Variants in NAV1 observed in about 807,000 individuals in gnomAD.
NAV1 encodes the protein pore membrane and/or filament interacting like protein 3.
In NAV1, 18 loss-of-function variants were observed where a neutral mutation model predicts 175.2. That is an observed-to-expected ratio of 0.10 (90% confidence interval 0.07 to 0.15). The LOEUF is 0.15. Ranked by LOEUF, NAV1 falls within the 10% of genes least tolerant of loss-of-function variation. The pLI, the probability that NAV1 is intolerant of heterozygous loss-of-function variation, is 1.00. For synonymous variants in NAV1, 897 were observed against 978.7 expected (o/e 0.92, Z 1.56); for missense variants, 1,731 against 2,436.6 (o/e 0.71, Z 6.10).
At chr1:201,650,569 G>A (rs1337206819) in intron 1 of NAV1, among the ~76,000 whole-genome samples, 3 of 152,374 alleles carry the variant, frequency 2.0e-5, no homozygotes, top group Non-Finnish European at 4.4e-5. Flanking sequence ...CGTGTGAAAG[G>A]GCGGGGCCGA....
At chr1:201,672,505 T>G (rs915467850) in intron 1 of NAV1, among the ~76,000 whole-genome samples, 2 of 152,234 alleles carry the variant, frequency 1.3e-5, no homozygotes, top group African/African-American at 4.8e-5. Flanking sequence ...GGGTGCTTTA[T>G]GTATAATAGT....
At chr1:201,790,456 TCA>T in intron 11 of NAV1, 96 bp from the exon 16 acceptor site, 1 of 1,393,932 alleles carries the variant, frequency 7.2e-7, no homozygotes, top group Non-Finnish European at 1.0e-6. Context: ...TCATGCTTCT[TCA>T]CATTTCCTAC....
At chr1:201,643,493 C>G (rs1420733169), upstream of NAV1, among the ~76,000 whole-genome samples, 2 of 151,210 alleles carry the variant, frequency 1.3e-5, no homozygotes, top group East Asian at 3.9e-4. Flanking sequence ...GCAACCTCAG[C>G]TCACCACAAC....
intron 1 of NAV1, among the ~76,000 whole-genome samples, chr1:201,651,161 C>G (rs1039335092): frequency 5.5e-3 from 235 of 42,684 alleles, no homozygotes; most frequent in African/African-American, 8.6e-3. Flanking sequence ...GTGTGTGTGT[C>G]AGACTGAGAG....
intron 1 of NAV1, among the ~76,000 whole-genome samples, chr1:201,549,127 CTT>C (rs1357800469): frequency 1.4e-5 from 2 of 144,556 alleles, no homozygotes; most frequent in African/African-American, 5.0e-5. Context: ...TTCTTTCTTT[CTT>C]TCTTTCTTTC....
intron 1 of NAV1, among the ~76,000 whole-genome samples, chr1:201,699,849 C>T (rs537742778): frequency 1.3e-5 from 2 of 152,284 alleles, no homozygotes; most frequent in East Asian, 3.9e-4. Context: ...GAAAGGATTC[C>T]CTGTGTAATA....
rs1558166345 is a variant in NAV1, at chr1:201,787,884, G to A, written c.2996-584G>A. 2.9e-6 allele frequency: 1 copy of A among 349,974 alleles called. No homozygotes were observed. The highest frequency in any genetic ancestry group is 5.7e-6 in the Non-Finnish European group (1 of 176,216). 21.7% of individuals were successfully genotyped at this position (349,974 alleles called of 1,614,324 possible). A position where few individuals can be genotyped will look rare whatever the true frequency, so the allele number is the denominator to read the frequency against. On this transcript the variant is annotated intron_variant, in intron 9 of 29. Coordinates refer to ENST00000367296, the Ensembl canonical transcript of NAV1. This position sits in a 1 kb window ranked among gnomAD's most constrained non-coding sequence, Gnocchi z 4.3. ...CATCTGACCTTCAAGCCGGGGCAAT[G>A]CTAGGCAAAGAGGGCCATGTTTCTT... is the stretch of plus-strand genomic sequence containing the variant.
intron 3 of NAV1, among the ~76,000 whole-genome samples, chr1:201,726,749 A>T (rs1672623747): frequency 6.6e-6 from 1 of 152,180 alleles, no homozygotes; most frequent in Non-Finnish European, 1.5e-5. Context: ...TGGCTAGAGT[A>T]TCAAAATAAG....
intron 3 of NAV1, among the ~76,000 whole-genome samples, chr1:201,744,278 C>A (rs1673620548): frequency 6.6e-6 from 1 of 152,174 alleles, no homozygotes; most frequent in Non-Finnish European, 1.5e-5. Flanking sequence ...GAGAAACAGA[C>A]AAAACCCTAA....
intron 3 of NAV1, among the ~76,000 whole-genome samples, chr1:201,761,979 C>A (rs187833932): frequency 2.0e-5 from 3 of 151,832 alleles, no homozygotes; most frequent in African/African-American, 7.3e-5. Flanking sequence ...ATAGTGAGAA[C>A]TTGTCTCTAC....
intron 1 of NAV1, among the ~76,000 whole-genome samples, chr1:201,695,933 C>T (rs1294227927): frequency 1.3e-5 from 2 of 152,242 alleles, no homozygotes; most frequent in Non-Finnish European, 2.9e-5. Flanking sequence ...CTTCGTATCC[C>T]TGCCCTACTC....
intron 1 of NAV1, among the ~76,000 whole-genome samples, chr1:201,576,652 T>A (rs764224460): frequency 3.3e-5 from 5 of 152,214 alleles, no homozygotes; most frequent in Non-Finnish European, 7.3e-5. Flanking sequence ...TTCTCTGAGA[T>A]GTACAGTTGT....
intron 3 of NAV1, among the ~76,000 whole-genome samples, chr1:201,746,657 G>A (rs73088423): frequency 0.013 from 1,998 of 152,264 alleles, 51 homozygotes; most frequent in African/African-American, 0.046. Context: ...CGTTAGGAGC[G>A]CAGTGAGTGT....
intron 2 of NAV1, among the ~76,000 whole-genome samples, chr1:201,599,215 A>G (rs1459864390): frequency 6.6e-6 from 1 of 152,224 alleles, no homozygotes; most frequent in South Asian, 2.1e-4. Flanking sequence ...ACGTGATTCA[A>G]GGTTCCCAGC....
rs1678727006 is a variant in NAV1 at position 201,812,084 on chromosome 1, T to C, written c.5024+110T>C. 25 of 1,071,400 alleles carry C rather than the reference T, an allele frequency of 2.3e-5. No individual in the cohort carries two copies. The South Asian group carries it at 2.8e-4, about 12-fold the overall frequency. 66.4% of individuals were successfully genotyped at this position (1,071,400 alleles called of 1,614,324 possible). On this transcript the variant is annotated intron_variant, in intron 26 of 29. Transcript: ENST00000367296. This position sits in a 1 kb window ranked among gnomAD's most constrained non-coding sequence, Gnocchi z 4.6. ...AGAAGGAAAGAGAAGTATCCAGAGC[T>C]TTTTGGGCTGGAAATAGAAAGTAGA...
chr1:201,628,487 C>T (rs890739356), intron 1 of NAV1, among the ~76,000 whole-genome samples: 2 of 152,044 alleles, frequency 1.3e-5, no homozygotes, highest in African/African-American at 2.4e-5. Context: ...CCCAGAGTCC[C>T]GGCCATCTAG....
At chr1:201,698,822 G>A (rs1671292340) in intron 1 of NAV1, among the ~76,000 whole-genome samples, 1 of 152,242 alleles carries the variant, frequency 6.6e-6, no homozygotes, top group Non-Finnish European at 1.5e-5. Context: ...GGTGGGTGAA[G>A]TCAAATGACA....
chr1:201,760,886 G>T (rs1365657112), intron 3 of NAV1, among the ~76,000 whole-genome samples: 1 of 152,146 alleles, frequency 6.6e-6, no homozygotes, highest in Non-Finnish European at 1.5e-5. Flanking sequence ...GTATAGTAGT[G>T]TGCAAGCAGA....
intron 3 of NAV1, among the ~76,000 whole-genome samples, chr1:201,736,595 C>A (rs149104722): frequency 6.6e-6 from 1 of 152,276 alleles, no homozygotes; most frequent in African/African-American, 2.4e-5. Context: ...AGAATTACCC[C>A]CTCCCAGGAA....
Sources: allele counts gnomAD v4.1 joint callset (sites outside exome capture counted in the v4.1 genomes callset), GRCh38; gene constraint gnomAD v4.1.1; non-coding constraint Gnocchi (gnomAD v3.1); transcripts MANE v1.5; gene names NCBI Gene and HGNC (gene_info 2026-07-23, HGNC 2026-07-21).